CRYBG1: variants seen among roughly 807,000 people sequenced by gnomAD.
CRYBG1 encodes beta/gamma crystallin domain-containing protein 1.
Under a neutral mutation model 189.2 loss-of-function variants are expected in CRYBG1, and 139 were observed. That is an observed-to-expected ratio of 0.73 (90% CI 0.64 to 0.85). The LOEUF is 0.85. CRYBG1 is among the 40% of genes least tolerant of loss of function. CRYBG1 has a pLI of 0.00. For missense variants in CRYBG1, 2,611 were observed against 2,675.8 expected (o/e 0.98, Z 0.53); for synonymous variants, 1,023 against 1,017.1 (o/e 1.01, Z -0.11).
At chr6:106,432,965 G>A (rs568976646) in intron 1 of CRYBG1, among the ~76,000 whole-genome samples, 129 of 149,884 alleles carry the variant, frequency 8.6e-4, no homozygotes, top group African/African-American at 3.1e-3. Flanking sequence ...TTAGACTCCT[G>A]AGTAGCTGGA....
At chr6:106,497,762 G>C (rs1180783040) in intron 2 of CRYBG1, among the ~76,000 whole-genome samples, 3 of 152,310 alleles carry the variant, frequency 2.0e-5, no homozygotes, top group East Asian at 3.9e-4. Flanking sequence ...TCACATGACT[G>C]TTATAAAGTA....
chr6:106,376,395 C>T (rs559704705), intron 1 of CRYBG1, among the ~76,000 whole-genome samples: 3 of 152,210 alleles, frequency 2.0e-5, no homozygotes, highest in South Asian at 2.1e-4. Flanking sequence ...TCTCCACCCT[C>T]CTCTGTGCTC....
rs552439659 is a variant in CRYBG1 at position 106,496,601 on chromosome 6, C to A, written c.313-14829C>A. ...TAATTGAAATTTCTGATATTTTGGTCAACCATCTTATTAGAGACTAATTAT... is the reference window on the plus strand; with the variant it reads ...TAATTGAAATTTCTGATATTTTGGTAAACCATCTTATTAGAGACTAATTAT... On this transcript the variant is annotated intron_variant, in intron 2 of 21. Coordinates refer to ENST00000633556, the MANE Select transcript of CRYBG1 (RefSeq NM_001371242.2). Among the ~76,000 whole-genome samples the A allele has an allele frequency of 2.6e-5, 4 of 152,126 alleles. No individual in the cohort carries two copies. The East Asian group carries it at 5.8e-4, about 22-fold the overall frequency.
intron 2 of CRYBG1, among the ~76,000 whole-genome samples, chr6:106,508,977 C>T: frequency 3.1e-5 from 1 of 32,274 alleles, no homozygotes; most frequent in Non-Finnish European, 7.6e-5. Context: ...GGACTGCTTG[C>T]TGATCAAGCG....
chr6:106,482,054 G>T (rs1346291076), intron 2 of CRYBG1, among the ~76,000 whole-genome samples: 1 of 151,486 alleles, frequency 6.6e-6, no homozygotes, highest in Admixed American at 6.6e-5. Context: ...GTGTACTTTC[G>T]CTGTGTCCTC....
At chr6:106,392,747 A>G (rs1267220546) in intron 1 of CRYBG1, among the ~76,000 whole-genome samples, 1 of 149,060 alleles carries the variant, frequency 6.7e-6, no homozygotes, top group African/African-American at 2.5e-5. Context: ...AACTGTTCGA[A>G]TTTTTGGTTA....
chr6:106,451,114 G>C (rs948747585), intron 1 of CRYBG1, among the ~76,000 whole-genome samples: 4 of 152,202 alleles, frequency 2.6e-5, no homozygotes, highest in African/African-American at 9.6e-5. Flanking sequence ...TGGGAGAACA[G>C]TGAAGGGTTG....
At position 106,512,817 on chromosome 6, in the gene CRYBG1, T is replaced by TC; in HGVS notation, c.1705dup (p.Arg569ProfsTer50). 2.5e-6 allele frequency: 4 copies of TC among 1,575,142 alleles called. No individual in the cohort carries two copies. Among genetic ancestry groups the TC allele is most frequent in the Non-Finnish European group, 3.4e-6 (4 of 1,160,198 alleles). ...AGCGGGGAGGAGGCGGCGCGGGCCATCCCCCGCGAGCTCCCGGTCAAGAGC... is the reference window on the plus strand; with the variant it reads ...AGCGGGGAGGAGGCGGCGCGGGCCATCCCCCCGCGAGCTCCCGGTCAAGAGC... On this transcript the variant is annotated frameshift_variant, in exon 3 of 22. Transcript: ENST00000633556. LOFTEE classifies it high-confidence loss of function.
At chr6:106,373,852 C>G (rs1770093971) in intron 1 of CRYBG1, among the ~76,000 whole-genome samples, 1 of 152,206 alleles carries the variant, frequency 6.6e-6, no homozygotes, top group South Asian at 2.1e-4. Flanking sequence ...AAACCACTCT[C>G]TTTTATTATA....
rs1350862841 is a variant in CRYBG1 at position 106,423,694 on chromosome 6, C to CTTTTTTT, written c.174-28000_174-27999insTTTTTTT. ...CCCTCCAGTCCTCAGTTCTCCCTCCCCTTTTTTTTTTTTTTTTTTTTTTTT... is the reference window on the plus strand; with the variant it reads ...CCCTCCAGTCCTCAGTTCTCCCTCCCTTTTTTTCTTTTTTTTTTTTTTTTTTTTTTTT... On this transcript the variant is annotated intron_variant, in intron 1 of 21. Transcript: ENST00000633556. Among the ~76,000 whole-genome samples, 11 of 101,242 alleles carry CTTTTTTT rather than the reference C, an allele frequency of 1.1e-4. 3 individuals are homozygous for CTTTTTTT. Among genetic ancestry groups the CTTTTTTT allele is most frequent in the African/African-American group, 3.4e-4 (8 of 23,640 alleles). The allele number at this position is 101,242 out of a possible 152,430, so 66.4% of individuals were successfully genotyped here. A position where few individuals can be genotyped will look rare whatever the true frequency, so the allele number is the denominator to read the frequency against.
chr6:106,470,162 TA>T (rs1411542709), intron 2 of CRYBG1, among the ~76,000 whole-genome samples: 1 of 152,128 alleles, frequency 6.6e-6, no homozygotes, highest in Non-Finnish European at 1.5e-5. Context: ...CAGAAGAATT[TA>T]AAATAATTCT....
chr6:106,542,888 A>G (rs1293901961), intron 10 of CRYBG1, among the ~76,000 whole-genome samples: 1 of 145,192 alleles, frequency 6.9e-6, no homozygotes, highest in Non-Finnish European at 1.5e-5. Context: ...AGCTCAAGTG[A>G]TCCTCCTGCC....
At chr6:106,444,923 C>T (rs1771636514) in intron 1 of CRYBG1, among the ~76,000 whole-genome samples, 1 of 152,112 alleles carries the variant, frequency 6.6e-6, no homozygotes, top group African/African-American at 2.4e-5. Context: ...CATTTGAGAC[C>T]AGGAGTTCAA....
intron 3 of CRYBG1, among the ~76,000 whole-genome samples, chr6:106,515,301 T>C (rs966154537): frequency 1.3e-4 from 20 of 152,224 alleles, no homozygotes; most frequent in African/African-American, 4.3e-4. Context: ...TTTTAATCAG[T>C]CTGAAGTAGG....
rs1324096495 is a variant in CRYBG1 at position 106,515,624 on chromosome 6, A to G, written c.1922+2585A>G. 5.3e-5 allele frequency among the ~76,000 whole-genome samples: 8 copies of G among 152,196 alleles called. No individual in the cohort carries two copies. The East Asian group carries it at 1.5e-3, about 29-fold the overall frequency. On this transcript the variant is annotated intron_variant, in intron 3 of 21. Transcript: ENST00000633556. Reference sequence around the variant, plus strand: ...ATCATCTCACTAGTTTCATAATTTGATCTTTGAGGAAATGCTTATAAATTA... The same window carrying G: ...ATCATCTCACTAGTTTCATAATTTGGTCTTTGAGGAAATGCTTATAAATTA...
intron 19 of CRYBG1, 121 bp from the exon 20 acceptor site, chr6:106,561,221 C>T: frequency 8.7e-6 from 10 of 1,152,208 alleles, no homozygotes; most frequent in Non-Finnish European, 1.2e-5. Context: ...CTCTGAGACT[C>T]TTGAGTATGG....
chr6:106,480,456 A>C (rs1196299984), intron 2 of CRYBG1, among the ~76,000 whole-genome samples: 1 of 150,962 alleles, frequency 6.6e-6, no homozygotes, highest in African/African-American at 2.4e-5. Context: ...CGACGTCAGG[A>C]GATTGAGACC....
At chr6:106,369,617 T>C (rs1769974953) in intron 1 of CRYBG1, among the ~76,000 whole-genome samples, 1 of 152,090 alleles carries the variant, frequency 6.6e-6, no homozygotes, top group Non-Finnish European at 1.5e-5. Context: ...GGATCAAGGG[T>C]CAAAATAATA....
intron 1 of CRYBG1, among the ~76,000 whole-genome samples, chr6:106,381,792 G>T (rs1011919688): frequency 6.6e-6 from 1 of 152,174 alleles, no homozygotes; most frequent in East Asian, 1.9e-4. Flanking sequence ...TCTGCTTTGG[G>T]CAATGTGTGC....
Sources: gnomAD v4.1 joint callset for allele counts (sites outside exome capture counted in the v4.1 genomes callset) on GRCh38, gnomAD v4.1.1 for gene constraint, MANE v1.5 for transcripts, NCBI Gene and HGNC (gene_info 2026-07-23, HGNC 2026-07-21) for gene names.